The following TMEM14A variants were observed in gnomAD, a reference collection of about 807,000 sequenced individuals.
The protein encoded by TMEM14A is transmembrane protein 14A.
Under a neutral mutation model 11.6 loss-of-function variants are expected in TMEM14A, and 8 were observed. That is an observed-to-expected ratio of 0.69 (90% confidence interval 0.40 to 1.24). The LOEUF is 1.24. TMEM14A is among the 50% of genes most tolerant of loss of function. The pLI, the probability that TMEM14A is intolerant of heterozygous loss-of-function variation, is 0.01. For missense variants in TMEM14A, 108 were observed against 121.9 expected, an observed-to-expected ratio of 0.89 and a Z score of 0.54; for synonymous variants, 34 against 45.5, an observed-to-expected ratio of 0.75 and a Z score of 1.02.
intron 3 of TMEM14A, among the ~76,000 whole-genome samples, chr6:52,682,929 C>T (rs926199201): frequency 2.0e-5 from 3 of 152,022 alleles, no homozygotes; most frequent in Non-Finnish European, 2.9e-5. Flanking sequence ...ATCAAATTCT[C>T]CAAAATGGGA....
At chr6:52,676,218 A>C (rs1306716381) in intron 1 of TMEM14A, among the ~76,000 whole-genome samples, 1 of 152,156 alleles carries the variant, frequency 6.6e-6, no homozygotes, top group African/African-American at 2.4e-5. Flanking sequence ...GATGAGGATG[A>C]AGGGGAAAGT....
chr6:52,682,165 G>A (rs999055153), intron 3 of TMEM14A, among the ~76,000 whole-genome samples: 2 of 152,146 alleles, frequency 1.3e-5, no homozygotes, highest in African/African-American at 4.8e-5. Context: ...ATTAGGAAAA[G>A]CAAGGAATTA....
chr6:52,680,704 T>TATATATATATATACAC lies in TMEM14A; in HGVS notation c.71-1108_71-1107insTATATATATATACACA, dbSNP rs371102796. ...ATATACATATATGTATATATATATA[T>TATATATATATATACAC]ACACATATATATATGGCATGGATGA... On this transcript the variant is annotated intron_variant, in intron 2 of 4. Coordinates refer to ENST00000211314, the MANE Select transcript of TMEM14A (RefSeq NM_014051.4). Among the ~76,000 whole-genome samples, 137 of 51,072 alleles carry TATATATATATATACAC rather than the reference T, an allele frequency of 2.7e-3. 19 individuals carry two copies. The highest frequency in any genetic ancestry group is 6.5e-3 in the South Asian group (8 of 1,224). 33.5% of individuals were successfully genotyped at this position (51,072 alleles called of 152,430 possible). A position where few individuals can be genotyped will look rare whatever the true frequency, so the allele number is the denominator to read the frequency against.
chr6:52,684,404 T>G (rs1291671407), intron 4 of TMEM14A, among the ~76,000 whole-genome samples: 2 of 152,302 alleles, frequency 1.3e-5, no homozygotes, highest in African/African-American at 4.8e-5. Flanking sequence ...ATACTTGCCT[T>G]TTTCAGAAGA....
At chr6:52,682,755 A>G (rs1769416009) in intron 3 of TMEM14A, among the ~76,000 whole-genome samples, 1 of 152,166 alleles carries the variant, frequency 6.6e-6, no homozygotes, top group Non-Finnish European at 1.5e-5. Context: ...TATTTTTTAT[A>G]TCAATAAACA....
chr6:52,683,483 C>CAA lies in TMEM14A; in HGVS notation c.173-582_173-581dup, dbSNP rs71799754. ...TCAACAACAACAACAACAACAACAA[C>CAA]AAAAAAAAAAAAAAGAAAAAGAAAA... is the stretch of plus-strand genomic sequence containing the variant. On this transcript the variant is annotated intron_variant, in intron 3 of 4. Transcript: ENST00000211314. Among the ~76,000 whole-genome samples the CAA allele has an allele frequency of 6.6e-4, 87 of 130,940 alleles. No individual in the cohort carries two copies. The East Asian group carries it at 7.3e-3, about 11-fold the overall frequency. 85.9% of individuals were successfully genotyped at this position (130,940 alleles called of 152,430 possible). A position where few individuals can be genotyped will look rare whatever the true frequency, so the allele number is the denominator to read the frequency against.
intron 2 of TMEM14A, among the ~76,000 whole-genome samples, chr6:52,677,734 T>TA (rs1240477918): frequency 3.9e-5 from 6 of 152,220 alleles, no homozygotes; most frequent in African/African-American, 1.2e-4. Flanking sequence ...TTATGTTTCA[T>TA]ATATATACAC....
At chr6:52,677,221 G>A (rs1321045549) in intron 2 of TMEM14A, 49 bp downstream of exon 2, 1 of 1,586,756 alleles carries the variant, frequency 6.3e-7, no homozygotes, top group East Asian at 2.2e-5. Flanking sequence ...GGGGTTTGGA[G>A]GTTGTGCTAG....
chr6:52,673,313 G>C (rs1769196135), intron 1 of TMEM14A, among the ~76,000 whole-genome samples: 1 of 151,888 alleles, frequency 6.6e-6, no homozygotes, highest in Admixed American at 6.6e-5. Flanking sequence ...CTGTCCCATA[G>C]AACAGGGGCC....
intron 1 of TMEM14A, among the ~76,000 whole-genome samples, chr6:52,671,743 C>T (rs1246607227): frequency 6.6e-6 from 1 of 152,202 alleles, no homozygotes; most frequent in African/African-American, 2.4e-5. Flanking sequence ...TCCCCTGTCA[C>T]CTTGTTTTGT....
chr6:52,684,284 C>T, intron 4 of TMEM14A, 119 bp downstream of exon 4: 1 of 858,120 alleles, frequency 1.2e-6, no homozygotes, highest in Non-Finnish European at 1.8e-6. Context: ...ATAAGCATGA[C>T]AGTAAAAACC....
intron 2 of TMEM14A, among the ~76,000 whole-genome samples, chr6:52,681,033 C>A (rs557500196): frequency 4.6e-5 from 7 of 152,014 alleles, no homozygotes; most frequent in Non-Finnish European, 5.9e-5. Flanking sequence ...TTTGACCCTA[C>A]CCCCCAGGGA....
chr6:52,683,164 A>T (rs886412830), intron 3 of TMEM14A, among the ~76,000 whole-genome samples: 3 of 152,186 alleles, frequency 2.0e-5, no homozygotes, highest in African/African-American at 7.2e-5. Flanking sequence ...TTTAGGTTAG[A>T]AAAAGACTTT....
intron 1 of TMEM14A, among the ~76,000 whole-genome samples, chr6:52,673,321 G>C (rs1338912603): frequency 1.3e-5 from 2 of 151,042 alleles, no homozygotes; most frequent in African/African-American, 4.9e-5. Context: ...TAGAACAGGG[G>C]CCATACGGGG....
intron 2 of TMEM14A, among the ~76,000 whole-genome samples, chr6:52,680,706 C>CATATATGTGTATATATATATATACAT (rs1397954310): frequency 4.1e-5 from 1 of 24,454 alleles, no homozygotes; most frequent in Non-Finnish European, 1.2e-4. Flanking sequence ...TATATATATA[C>CATATATGTGTATATATATATATACAT]ACATATATAT....
Position 52,681,815 on chromosome 6 carries a change from G to A in TMEM14A, c.73G>A (p.Gly25Ser). The change falls in exon 3 of 5, where the codon GGT (glycine) becomes AGT (serine). Residue 25 changes from glycine to serine, a missense_variant and splice_region_variant. Coordinates refer to ENST00000211314, the MANE Select transcript of TMEM14A (RefSeq NM_014051.4). ...CTCATATTTTTTTCCCCTTCCAGGTGGTGTTCCGTCTTTGATTGCTGGTCT... is the reference window on the plus strand; with the variant it reads ...CTCATATTTTTTTCCCCTTCCAGGTAGTGTTCCGTCTTTGATTGCTGGTCT... ...GSIFGYKRRGGVPSLIAGLFV... is the reference protein window; with the variant it reads ...GSIFGYKRRGSVPSLIAGLFV... 6.2e-7 allele frequency: 1 copy of A among 1,613,862 alleles called. No homozygotes were observed. Among genetic ancestry groups the A allele is most frequent in the Non-Finnish European group, 8.5e-7 (1 of 1,179,848 alleles).
intron 4 of TMEM14A, among the ~76,000 whole-genome samples, chr6:52,685,259 C>T (rs1312967615): frequency 6.6e-6 from 1 of 152,020 alleles, no homozygotes; most frequent in Non-Finnish European, 1.5e-5. Context: ...CAGTTATAGC[C>T]CTGTTCTAAA....
chr6:52,679,417 G>C (rs1769323907), intron 2 of TMEM14A, among the ~76,000 whole-genome samples: 1 of 152,148 alleles, frequency 6.6e-6, no homozygotes, highest in Non-Finnish European at 1.5e-5. Flanking sequence ...CCAGTTGAAG[G>C]GAAGGGCACT....
At chr6:52,678,211 A>G (rs1217758800) in intron 2 of TMEM14A, among the ~76,000 whole-genome samples, 1 of 152,206 alleles carries the variant, frequency 6.6e-6, no homozygotes, top group Non-Finnish European at 1.5e-5. Flanking sequence ...GTCAAAGACA[A>G]TGTCTAAATA....
Sources: allele counts gnomAD v4.1 joint callset (sites outside exome capture counted in the v4.1 genomes callset), GRCh38; gene constraint gnomAD v4.1.1; transcripts MANE v1.5; gene names NCBI Gene and HGNC (gene_info 2026-07-23, HGNC 2026-07-21).